The following AFF3 variants were observed in gnomAD, a reference collection of about 807,000 sequenced individuals.
The protein encoded by AFF3 is AF4/FMR2 family member 3.
Under a neutral mutation model 129.7 loss-of-function variants are expected in AFF3, and 32 were observed. That is an observed-to-expected ratio of 0.25 (90% CI 0.19 to 0.33). AFF3 has a LOEUF of 0.33. Among genes scored for constraint, AFF3 ranks in the 10% least tolerant of loss-of-function variants. AFF3 has a pLI of 1.00. For missense variants in AFF3, 1,373 were observed against 1,592.0 expected, an observed-to-expected ratio of 0.86 and a Z score of 2.34; for synonymous variants, 644 against 635.4, an observed-to-expected ratio of 1.01 and a Z score of -0.20.
At chr2:100,051,315 C>T (rs937053386) in intron 4 of AFF3, among the ~76,000 whole-genome samples, 2 of 152,284 alleles carry the variant, frequency 1.3e-5, no homozygotes, top group Admixed American at 6.5e-5. Context: ...GCTGAGCCCA[C>T]GCAACGGCTC....
intron 4 of AFF3, among the ~76,000 whole-genome samples, chr2:100,018,807 G>A (rs576040608): frequency 1.3e-5 from 2 of 151,872 alleles, no homozygotes; most frequent in Non-Finnish European, 2.9e-5. Flanking sequence ...CTCCCTTCCC[G>A]GCAGCAGCAC....
At chr2:100,027,027 A>G (rs947387948) in intron 4 of AFF3, among the ~76,000 whole-genome samples, 10 of 152,090 alleles carry the variant, frequency 6.6e-5, no homozygotes, top group African/African-American at 2.4e-4. Context: ...AATCACCACT[A>G]AAGAACTGAC....
intron 4 of AFF3, among the ~76,000 whole-genome samples, chr2:100,034,776 A>G (rs1325104933): frequency 2.0e-5 from 3 of 152,212 alleles, no homozygotes; most frequent in African/African-American, 7.2e-5. Flanking sequence ...CATAATACAC[A>G]AGATCTAATG....
intron 1 of AFF3, among the ~76,000 whole-genome samples, chr2:100,141,035 C>T (rs1692848750): frequency 6.6e-6 from 1 of 152,080 alleles, no homozygotes; most frequent in Non-Finnish European, 1.5e-5. Context: ...TTACTGAGCC[C>T]TTTCAATGTT....
chr2:100,083,387 T>C (rs577986716), intron 4 of AFF3, among the ~76,000 whole-genome samples: 9 of 152,278 alleles, frequency 5.9e-5, no homozygotes, highest in East Asian at 1.9e-4. Flanking sequence ...ATGGCCTGCA[T>C]TGTGCTTATG....
At chr2:99,590,042 G>T (rs1678513965) in intron 15 of AFF3, among the ~76,000 whole-genome samples, 1 of 152,176 alleles carries the variant, frequency 6.6e-6, no homozygotes, top group Non-Finnish European at 1.5e-5. Flanking sequence ...CCACCAGTGT[G>T]GGCGTTCCCC....
rs532308815 is a variant in AFF3, at chr2:99,571,700, T to A, written c.2919-2785A>T. 2.0e-5 allele frequency among the ~76,000 whole-genome samples: 3 copies of A among 152,346 alleles called. No individual in the cohort carries two copies. In the South Asian group the frequency reaches 6.2e-4, roughly 32 times the overall value. ...GCATAGAATGGAGGGCTCACTATAA[T>A]GAGTCACTGAAGATTGCCTGATGAT... is the stretch of plus-strand genomic sequence containing the variant. On this transcript the variant is annotated intron_variant, in intron 18 of 24. Coordinates refer to ENST00000672756, the MANE Select transcript of AFF3 (RefSeq NM_001386135.1).
chr2:99,775,825 T>A (rs1038005046), intron 8 of AFF3, among the ~76,000 whole-genome samples: 10 of 152,160 alleles, frequency 6.6e-5, no homozygotes, highest in Admixed American at 1.3e-4. Context: ...AGATGACTAT[T>A]TCAAAGGACA....
chr2:99,682,455 C>A (rs987614293), intron 11 of AFF3, among the ~76,000 whole-genome samples: 1 of 152,186 alleles, frequency 6.6e-6, no homozygotes, highest in African/African-American at 2.4e-5. Context: ...GGAATTACCA[C>A]GAGGCATTTT....
intron 13 of AFF3, among the ~76,000 whole-genome samples, chr2:99,631,938 C>T (rs544851508): frequency 3.8e-4 from 57 of 150,446 alleles, no homozygotes; most frequent in African/African-American, 1.2e-3. Flanking sequence ...CTGTTTTCCA[C>T]GGTGTCTGCA....
chr2:100,091,965 C>A (rs2105416537), intron 4 of AFF3, among the ~76,000 whole-genome samples: 1 of 148,284 alleles, frequency 6.7e-6, no homozygotes, highest in East Asian at 2.0e-4. Flanking sequence ...TGCTTTCCCT[C>A]CCACTACACC....
At chr2:99,707,836 T>C (rs1199137194) in intron 11 of AFF3, among the ~76,000 whole-genome samples, 1 of 152,176 alleles carries the variant, frequency 6.6e-6, no homozygotes, top group African/African-American at 2.4e-5. Flanking sequence ...TTGCCAGAAT[T>C]CATTCTTATT....
chr2:99,873,794 G>A (rs1178601867), intron 7 of AFF3, among the ~76,000 whole-genome samples: 2 of 150,758 alleles, frequency 1.3e-5, no homozygotes, highest in Admixed American at 6.6e-5. Context: ...TATGTCCACT[G>A]AGAACATTCC....
intron 7 of AFF3, among the ~76,000 whole-genome samples, chr2:99,947,936 C>T (rs1675791214): frequency 6.6e-6 from 1 of 152,236 alleles, no homozygotes; most frequent in South Asian, 2.1e-4. Context: ...CAGAAGAAAA[C>T]ATGGACTCAG....
intron 7 of AFF3, among the ~76,000 whole-genome samples, chr2:99,972,478 G>A (rs969147393): frequency 2.0e-5 from 3 of 152,214 alleles, no homozygotes; most frequent in African/African-American, 7.2e-5. Context: ...GACAAAGAGT[G>A]ACACCACACA....
chr2:99,917,136 T>C (rs950462168), intron 7 of AFF3, among the ~76,000 whole-genome samples: 1 of 152,150 alleles, frequency 6.6e-6, no homozygotes, highest in African/African-American at 2.4e-5. Context: ...AAAGGGACTA[T>C]TTGCCTACCC....
chr2:100,016,500 CTGGTGGTGATAGTGG>C (rs1312898002), intron 4 of AFF3, among the ~76,000 whole-genome samples: 80 of 130,802 alleles, frequency 6.1e-4, no homozygotes, highest in Admixed American at 5.5e-3. Flanking sequence ...GGTGATGGTA[CTGGTGGTGATAGTGG>C]TGGTGGCGGT....
intron 13 of AFF3, among the ~76,000 whole-genome samples, chr2:99,622,042 T>C (rs141292115): frequency 1.8e-3 from 281 of 152,294 alleles, no homozygotes; most frequent in African/African-American, 6.3e-3. Flanking sequence ...TGGTTTCCTA[T>C]AGGGTGTGAA....
intron 1 of AFF3, among the ~76,000 whole-genome samples, chr2:100,130,180 A>T (rs1561230): frequency 4.6e-5 from 7 of 151,990 alleles, no homozygotes; most frequent in African/African-American, 1.5e-4. Context: ...CTCAGGTAGG[A>T]TGCGTGAAGT....
Sources: gnomAD v4.1 joint callset for allele counts (sites outside exome capture counted in the v4.1 genomes callset) on GRCh38, gnomAD v4.1.1 for gene constraint, MANE v1.5 for transcripts, NCBI Gene and HGNC (gene_info 2026-07-23, HGNC 2026-07-21) for gene names.